TBL1XR1: variants seen among roughly 807,000 people sequenced by gnomAD.
The protein encoded by TBL1XR1 is TBL1X/Y related 1.
TBL1XR1 carries 5 observed loss-of-function variants against 66.9 expected under a neutral mutation model. The observed-to-expected ratio is 0.07, with a 90% CI of 0.04 to 0.16. TBL1XR1 has a LOEUF of 0.16. Among genes scored for constraint, TBL1XR1 ranks in the 10% least tolerant of loss-of-function variants. The pLI is 1.00. For synonymous variants in TBL1XR1, 210 were observed against 206.0 expected (o/e 1.02, Z -0.17); for missense variants, 238 against 623.2 (o/e 0.38, Z 6.58).
intron 1 of TBL1XR1, among the ~76,000 whole-genome samples, chr3:177,149,001 C>T (rs1341023252): frequency 7.9e-6 from 1 of 126,238 alleles, no homozygotes; most frequent in Non-Finnish European, 1.8e-5. Flanking sequence ...GCAAAACTCC[C>T]TCAAAAAAAA....
intron 2 of TBL1XR1, among the ~76,000 whole-genome samples, chr3:177,084,309 CTCT>C (rs760847470): frequency 5.1e-4 from 77 of 152,260 alleles, no homozygotes; most frequent in African/African-American, 1.7e-3. Flanking sequence ...ACCTACCAAC[CTCT>C]TCTTCTTTCC....
intron 1 of TBL1XR1, among the ~76,000 whole-genome samples, chr3:177,137,598 G>C (rs886241120): frequency 6.6e-6 from 1 of 152,244 alleles, no homozygotes; most frequent in Non-Finnish European, 1.5e-5. Flanking sequence ...GCCAATTACA[G>C]TTCAAGGCAG....
intron 1 of TBL1XR1, among the ~76,000 whole-genome samples, chr3:177,113,266 A>G (rs1356561147): frequency 6.6e-6 from 1 of 152,196 alleles, no homozygotes. Context: ...CTAGAAAATT[A>G]CTAAAAGAAA....
chr3:177,183,193 A>G (rs1209631181), intron 1 of TBL1XR1, among the ~76,000 whole-genome samples: 2 of 152,224 alleles, frequency 1.3e-5, no homozygotes. Flanking sequence ...ATAAAAGTAG[A>G]AAAGTACAAT....
chr3:177,171,922 A>C (rs1268292487), intron 1 of TBL1XR1, among the ~76,000 whole-genome samples: 4 of 152,100 alleles, frequency 2.6e-5, no homozygotes, highest in African/African-American at 9.7e-5. Context: ...CCAGTGGCAA[A>C]AGGTGGAACA....
chr3:177,137,188 T>C (rs983799532), intron 1 of TBL1XR1, among the ~76,000 whole-genome samples: 1 of 152,202 alleles, frequency 6.6e-6, no homozygotes, highest in East Asian at 1.9e-4. Context: ...AGAAGTAATG[T>C]ACCTTAGAGA....
intron 1 of TBL1XR1, among the ~76,000 whole-genome samples, chr3:177,165,748 T>C (rs180957718): frequency 4.1e-4 from 63 of 152,202 alleles, no homozygotes; most frequent in Admixed American, 3.9e-3. Context: ...TAAACATCCA[T>C]ATGCAAAAAA....
chr3:177,090,358 A>G lies in TBL1XR1; in HGVS notation c.-46+8108T>C, dbSNP rs574438584. 4.6e-5 allele frequency among the ~76,000 whole-genome samples: 7 copies of G among 152,140 alleles called. No individual in the cohort carries two copies. The South Asian group carries it at 1.5e-3, about 32-fold the overall frequency. ...ACAAAATAAAAACAAATATTTTTAAATTCTAAATACTAAAAATAAAATGAA... is the reference window on the plus strand; with the variant it reads ...ACAAAATAAAAACAAATATTTTTAAGTTCTAAATACTAAAAATAAAATGAA... On this transcript the variant is annotated intron_variant, in intron 2 of 15. Transcript: ENST00000457928.
intron 2 of TBL1XR1, among the ~76,000 whole-genome samples, chr3:177,076,366 C>A (rs1233845013): frequency 6.6e-6 from 1 of 152,180 alleles, no homozygotes; most frequent in East Asian, 1.9e-4. Context: ...TCACACTGTT[C>A]TCCCTCTGTA....
At chr3:177,109,927 C>T (rs959153956) in intron 1 of TBL1XR1, among the ~76,000 whole-genome samples, 3 of 152,106 alleles carry the variant, frequency 2.0e-5, no homozygotes, top group East Asian at 3.9e-4. Context: ...TGTATGAAGA[C>T]GTGCCTTATA....
At chr3:177,162,724 G>C (rs939095110) in intron 1 of TBL1XR1, among the ~76,000 whole-genome samples, 1 of 152,154 alleles carries the variant, frequency 6.6e-6, no homozygotes, top group African/African-American at 2.4e-5. Flanking sequence ...TGTATACTTT[G>C]CCTTATGTAA....
chr3:177,057,269 G>C (rs1717922982), intron 3 of TBL1XR1, among the ~76,000 whole-genome samples: 1 of 152,108 alleles, frequency 6.6e-6, no homozygotes, highest in Admixed American at 6.6e-5. Flanking sequence ...CTACACCAGG[G>C]CTAACCAGTC....
At chr3:177,149,882 C>T (rs2108848507) in intron 1 of TBL1XR1, among the ~76,000 whole-genome samples, 1 of 152,278 alleles carries the variant, frequency 6.6e-6, no homozygotes, top group East Asian at 1.9e-4. Flanking sequence ...TTATCTAACC[C>T]TTAATCCTTT....
intron 1 of TBL1XR1, among the ~76,000 whole-genome samples, chr3:177,107,897 T>A (rs1725078939): frequency 6.6e-6 from 1 of 152,154 alleles, no homozygotes. Flanking sequence ...TTAGCAGATA[T>A]TTTTTTATTT....
rs1716858142 is a variant in TBL1XR1, at chr3:177,050,156, A to G, written c.561-18T>C. ...CTCCAGACCTATAAAAGTATGCAAT[A>G]TATTTTAGATCCTCATGACATTCTC... On this transcript the variant is annotated intron_variant, in intron 6 of 15. Coordinates refer to ENST00000457928, the MANE Select transcript of TBL1XR1 (RefSeq NM_024665.7). 6.2e-7 allele frequency: 1 copy of G among 1,611,440 alleles called. No homozygotes were observed. Among genetic ancestry groups the G allele is most frequent in the African/African-American group, 1.3e-5 (1 of 74,888 alleles).
At chr3:177,047,791 G>A in intron 7 of TBL1XR1, 1 of 465,610 alleles carries the variant, frequency 2.1e-6, no homozygotes, top group Non-Finnish European at 3.8e-6. Context: ...GATTGCTCTG[G>A]ACCAGGATCT....
At chr3:177,144,697 G>A (rs1730038032) in intron 1 of TBL1XR1, among the ~76,000 whole-genome samples, 1 of 151,836 alleles carries the variant, frequency 6.6e-6, no homozygotes, top group African/African-American at 2.4e-5. Flanking sequence ...AGCTTGCAGT[G>A]CGCCGAGATT....
chr3:177,139,531 TC>T (rs1729385680), intron 1 of TBL1XR1, among the ~76,000 whole-genome samples: 1 of 98,056 alleles, frequency 1.0e-5, no homozygotes, highest in Non-Finnish European at 2.1e-5. Flanking sequence ...CAAGACTCCA[TC>T]TCGGGGGGAA....
At chr3:177,127,143 TAAAA>T (rs1179331629) in intron 1 of TBL1XR1, among the ~76,000 whole-genome samples, 1 of 152,190 alleles carries the variant, frequency 6.6e-6, no homozygotes, top group Non-Finnish European at 1.5e-5. Context: ...ATTATTACAT[TAAAA>T]AACCCTTTGT....
Sources: allele counts gnomAD v4.1 joint callset (sites outside exome capture counted in the v4.1 genomes callset), GRCh38; gene constraint gnomAD v4.1.1; transcripts MANE v1.5; gene names NCBI Gene and HGNC (gene_info 2026-07-23, HGNC 2026-07-21).